Variants in EPSTI1 observed in about 807,000 individuals in gnomAD.
EPSTI1 encodes epithelial-stromal interaction protein 1.
EPSTI1 carries 66 observed loss-of-function variants against 49.9 expected under a neutral mutation model. That is an observed-to-expected ratio of 1.32 (90% confidence interval 1.08 to 1.62). The LOEUF is 1.62. EPSTI1 is among the 40% of genes most tolerant of loss of function. The pLI is 0.00. For missense variants in EPSTI1, 394 were observed against 365.5 expected (o/e 1.08, Z -0.64); for synonymous variants, 137 against 130.7 (o/e 1.05, Z -0.33).
At chr13:42,967,289 T>TAAAAAAAAAAAAAAAAAAA (rs747737457) in intron 3 of EPSTI1, among the ~76,000 whole-genome samples, 1 of 28,542 alleles carries the variant, frequency 3.5e-5, no homozygotes, top group African/African-American at 9.2e-5. Context: ...AAAAATAAAT[T>TAAAAAAAAAAAAAAAAAAA]AAAAAAAAAA....
intron 6 of EPSTI1, among the ~76,000 whole-genome samples, chr13:42,945,438 C>CG (rs2038890816): frequency 6.6e-6 from 1 of 152,194 alleles, no homozygotes; most frequent in South Asian, 2.1e-4. Context: ...CAACCTGACA[C>CG]AGACCCAAAT....
intron 1 of EPSTI1, among the ~76,000 whole-genome samples, chr13:42,987,709 T>C (rs982538462): frequency 1.3e-5 from 2 of 152,222 alleles, no homozygotes; most frequent in Admixed American, 1.3e-4. Context: ...TACATATTTG[T>C]TCACATATTA....
rs1285769504 is a variant in EPSTI1 at position 42,965,672 on chromosome 13, A to AGTCCCT, written c.332-1539_332-1534dup. On this transcript the variant is annotated intron_variant, in intron 3 of 10. Transcript: ENST00000313624. ...GAGAAGTTTAATGAAAATCAGCTGG[A>AGTCCCT]GTCCCTGTCCCTCTCCCTCTCCCTC... is the stretch of plus-strand genomic sequence containing the variant. 7.9e-4 allele frequency among the ~76,000 whole-genome samples: 61 copies of AGTCCCT among 77,240 alleles called. 10 individuals are homozygous for AGTCCCT. The highest frequency in any genetic ancestry group is 2.3e-3 in the African/African-American group (55 of 23,422). The allele number at this position is 77,240 out of a possible 152,430, so 50.7% of individuals were successfully genotyped here. A position where few individuals can be genotyped will look rare whatever the true frequency, so the allele number is the denominator to read the frequency against.
chr13:42,906,105 A>G (rs2037491403), intron 8 of EPSTI1, among the ~76,000 whole-genome samples: 1 of 152,222 alleles, frequency 6.6e-6, no homozygotes, highest in Non-Finnish European at 1.5e-5. Context: ...GTGCTCACCC[A>G]GGAGGGCTGC....
intron 9 of EPSTI1, among the ~76,000 whole-genome samples, chr13:42,896,572 T>C (rs191209527): frequency 1.3e-5 from 2 of 152,308 alleles, no homozygotes; most frequent in African/African-American, 4.8e-5. Flanking sequence ...ATGGATACCA[T>C]TCTAGTTCAA....
intron 10 of EPSTI1, among the ~76,000 whole-genome samples, chr13:42,894,601 T>A (rs2037131751): frequency 6.6e-6 from 1 of 152,092 alleles, no homozygotes; most frequent in Admixed American, 6.5e-5. Flanking sequence ...TAACTACTGG[T>A]TTCTTTGATG....
intron 1 of EPSTI1, among the ~76,000 whole-genome samples, chr13:42,975,429 A>G (rs1337842660): frequency 6.6e-6 from 1 of 152,174 alleles, no homozygotes; most frequent in Non-Finnish European, 1.5e-5. Context: ...CTGATGTGTA[A>G]TTGATTAGTT....
At chr13:42,912,400 A>G (rs2037712816) in intron 8 of EPSTI1, among the ~76,000 whole-genome samples, 1 of 152,212 alleles carries the variant, frequency 6.6e-6, no homozygotes, top group African/African-American at 2.4e-5. Context: ...TGAGAGAGGC[A>G]TGGCTGGGCT....
chr13:42,965,128 T>G (rs2039568596), intron 3 of EPSTI1, among the ~76,000 whole-genome samples: 1 of 152,206 alleles, frequency 6.6e-6, no homozygotes, highest in African/African-American at 2.4e-5. Context: ...CAGTAAGGAA[T>G]GTTGACATTT....
intron 6 of EPSTI1, among the ~76,000 whole-genome samples, chr13:42,926,637 A>G (rs1450590730): frequency 6.6e-6 from 1 of 152,232 alleles, no homozygotes; most frequent in East Asian, 1.9e-4. Flanking sequence ...ATATTACAAA[A>G]TTATAAAACT....
rs142286108 is a variant in EPSTI1, at chr13:42,920,411, T to C, written c.658-2787A>G. Among the ~76,000 whole-genome samples, 51 of 152,100 alleles carry C rather than the reference T, an allele frequency of 3.4e-4. 1 individual carries two copies. Among genetic ancestry groups the C allele is most frequent in the African/African-American group, 1.0e-3 (42 of 41,458 alleles). On this transcript the variant is annotated intron_variant, in intron 7 of 10. Coordinates refer to ENST00000313624, the MANE Select transcript of EPSTI1 (RefSeq NM_033255.5). ...ACCAAGTAGATAAAGAAACAGTAAG[T>C]GACTTACAGAGGAAAAGAGCAAACC...
intron 1 of EPSTI1, among the ~76,000 whole-genome samples, chr13:42,980,066 T>C (rs917526361): frequency 1.3e-5 from 2 of 152,166 alleles, no homozygotes; most frequent in African/African-American, 4.8e-5. Flanking sequence ...ACTTTTCTTA[T>C]AGAATGCTTC....
At chr13:42,977,783 C>T (rs1439602734) in intron 1 of EPSTI1, among the ~76,000 whole-genome samples, 2 of 152,164 alleles carry the variant, frequency 1.3e-5, no homozygotes, top group African/African-American at 4.8e-5. Flanking sequence ...CCTGTGAAAT[C>T]GGGATAACTA....
intron 5 of EPSTI1, among the ~76,000 whole-genome samples, chr13:42,958,643 A>G (rs1272643549): frequency 6.6e-6 from 1 of 152,174 alleles, no homozygotes; most frequent in Non-Finnish European, 1.5e-5. Context: ...GAGTAAGAAA[A>G]GAGAAAAATA....
chr13:42,966,839 C>G (rs1456533832), intron 3 of EPSTI1, among the ~76,000 whole-genome samples: 2 of 75,728 alleles, frequency 2.6e-5, no homozygotes, highest in Non-Finnish European at 5.8e-5. Flanking sequence ...AATAGAAAGG[C>G]GGGAAAGGTG....
chr13:42,965,931 T>C lies in EPSTI1; in HGVS notation c.332-1792A>G, dbSNP rs2039601694. 5.4e-5 allele frequency among the ~76,000 whole-genome samples: 3 copies of C among 55,776 alleles called. 1 individual carries two copies. The South Asian group carries it at 3.6e-3, about 67-fold the overall frequency. 36.6% of individuals were successfully genotyped at this position (55,776 alleles called of 152,430 possible). A position where few individuals can be genotyped will look rare whatever the true frequency, so the allele number is the denominator to read the frequency against. On this transcript the variant is annotated intron_variant, in intron 3 of 10. Transcript: ENST00000313624. ...GCCTCAGTCTGCCGAATGCCTGCAA[T>C]TGCAGGCACGCGCCGCCACGCCTGA...
intron 8 of EPSTI1, among the ~76,000 whole-genome samples, chr13:42,908,713 TA>T (rs2037573782): frequency 6.6e-6 from 1 of 151,878 alleles, no homozygotes; most frequent in African/African-American, 2.4e-5. Flanking sequence ...ATACATCTAA[TA>T]GGGGGTCAGT....
At chr13:42,988,340 A>C (rs1001113957) in intron 1 of EPSTI1, among the ~76,000 whole-genome samples, 1 of 152,244 alleles carries the variant, frequency 6.6e-6, no homozygotes, top group Non-Finnish European at 1.5e-5. Flanking sequence ...GACAGCTTTG[A>C]TATTTAAGGA....
intron 1 of EPSTI1, among the ~76,000 whole-genome samples, chr13:42,982,052 G>A (rs2039995984): frequency 6.6e-6 from 1 of 152,176 alleles, no homozygotes; most frequent in Non-Finnish European, 1.5e-5. Context: ...CTTGAATAGG[G>A]GCTGGGTAAA....
Sources: allele counts gnomAD v4.1 joint callset (sites outside exome capture counted in the v4.1 genomes callset), GRCh38; gene constraint gnomAD v4.1.1; transcripts MANE v1.5; gene names NCBI Gene and HGNC (gene_info 2026-07-23, HGNC 2026-07-21).